The following CTBP2 variants were observed in gnomAD, a reference collection of about 807,000 sequenced individuals.
The protein encoded by CTBP2 is C-terminal binding protein 2, also known as C-terminal-binding protein 2.
Under a neutral mutation model 80.3 loss-of-function variants are expected in CTBP2, and 30 were observed. That is an observed-to-expected ratio of 0.37 (90% confidence interval 0.28 to 0.51). The LOEUF (loss-of-function observed/expected upper bound fraction) is 0.51, where lower values mean the gene tolerates loss of function less well. Among genes scored for constraint, CTBP2 ranks in the 20% least tolerant of loss-of-function variants. The probability of loss-of-function intolerance (pLI) is 0.93; values close to 1 mark genes in which losing one functional copy is unlikely to be tolerated. For missense variants in CTBP2, 1,212 were observed against 1,375.3 expected, an observed-to-expected ratio of 0.88 and a Z score of 1.88; for synonymous variants, 594 against 587.4, an observed-to-expected ratio of 1.01 and a Z score of -0.16.
chr10:125,031,960 G>A (rs1958278757), upstream of CTBP2, among the ~76,000 whole-genome samples: 1 of 152,074 alleles, frequency 6.6e-6, no homozygotes, highest in Admixed American at 6.5e-5. Flanking sequence ...ACAAAGGCCT[G>A]CACATTGCTT....
intron 4 of CTBP2, chr10:124,996,880 A>C (rs185309996): frequency 3.9e-5 from 6 of 152,380 alleles, no homozygotes; most frequent in Admixed American, 2.6e-4. Flanking sequence ...TCCTTTCAGA[A>C]GATCCCCAGC....
intron 2 of CTBP2, among the ~76,000 whole-genome samples, chr10:125,077,373 A>C (rs1846425603): frequency 6.6e-6 from 1 of 152,136 alleles, no homozygotes; most frequent in Non-Finnish European, 1.5e-5. Flanking sequence ...TTGGTTTCTG[A>C]CATCAGCAGG....
At position 125,116,381 on chromosome 10, in the gene CTBP2, G is replaced by A. The variant is rs539162758; in HGVS notation, c.-205-5288C>T. Among the ~76,000 whole-genome samples, 10 of 152,236 alleles carry A rather than the reference G, an allele frequency of 6.6e-5. No individual in the cohort carries two copies. The East Asian group carries it at 1.5e-3, about 24-fold the overall frequency. ...ACACTCCCTCGGCACCCATGCTGAC[G>A]GCCTTCTCAAAATGGGCCCGTCACA... On this transcript the variant is annotated intron_variant, in intron 1 of 10. Transcript: ENST00000337195.
intron 2 of CTBP2, among the ~76,000 whole-genome samples, 196 bp downstream of exon 2, chr10:125,110,794 T>C (rs1349886899): frequency 1.3e-5 from 2 of 152,224 alleles, no homozygotes; most frequent in East Asian, 1.9e-4. Flanking sequence ...GTTAATTACA[T>C]GTATTTTGCT....
intron 2 of CTBP2, among the ~76,000 whole-genome samples, chr10:125,101,445 G>A (rs1287123406): frequency 6.6e-6 from 1 of 152,240 alleles, no homozygotes; most frequent in African/African-American, 2.4e-5. Flanking sequence ...CAGCAGCATG[G>A]TGCCAGCACC....
At chr10:125,161,989 C>T (rs1302848795), upstream of CTBP2, among the ~76,000 whole-genome samples, 7 of 152,340 alleles carry the variant, frequency 4.6e-5, no homozygotes, top group Non-Finnish European at 4.4e-5. Flanking sequence ...TGACCCGCGA[C>T]GTCCGAGCGC....
Position 124,986,680 on chromosome 10 carries a change from A to G in CTBP2, c.*2838T>C, listed in dbSNP as rs1361795439. 2.0e-5 allele frequency: 3 copies of G among 152,318 alleles called. No individual in the cohort carries two copies. The highest frequency in any genetic ancestry group is 1.9e-4 in the East Asian group (1 of 5,192). The allele number at this position is 152,318 out of a possible 1,614,324, so 9.4% of individuals were successfully genotyped here. On this transcript the variant is annotated 3_prime_UTR_variant, in exon 9 of 9. Transcript: ENST00000309035. ...TGGCTGTTTGCTTTCATTTTGGCCAATAAGTAATCAAGTTTGTAGAAAATG... is the reference window on the plus strand; with the variant it reads ...TGGCTGTTTGCTTTCATTTTGGCCAGTAAGTAATCAAGTTTGTAGAAAATG...
At chr10:125,021,005 C>T (rs751272200) in intron 1 of CTBP2, among the ~76,000 whole-genome samples, 23 of 152,190 alleles carry the variant, frequency 1.5e-4, no homozygotes, top group Non-Finnish European at 2.5e-4. Context: ...GCAGCTTGGC[C>T]GCTGTCTAGT....
At chr10:124,997,043 G>C (rs900784610) in intron 4 of CTBP2, 8 of 152,516 alleles carry the variant, frequency 5.2e-5, no homozygotes, top group African/African-American at 1.9e-4. Context: ...CGGGGCTTGT[G>C]GGGAGAGGAG....
chr10:125,002,614 C>T (rs372930071), intron 3 of CTBP2, among the ~76,000 whole-genome samples: 3 of 152,276 alleles, frequency 2.0e-5, no homozygotes, highest in Admixed American at 1.3e-4. Flanking sequence ...AGGGGACGCA[C>T]CCAGCAGGGG....
chr10:125,055,202 C>T (rs2135259766), intron 2 of CTBP2, among the ~76,000 whole-genome samples: 1 of 152,282 alleles, frequency 6.6e-6, no homozygotes, highest in Non-Finnish European at 1.5e-5. Context: ...TAAGTCTGAG[C>T]TCTCAGAGAA....
chr10:125,084,883 C>T (rs1847747646), intron 2 of CTBP2, among the ~76,000 whole-genome samples: 2 of 152,324 alleles, frequency 1.3e-5, no homozygotes, highest in East Asian at 3.9e-4. Flanking sequence ...CCTGTTACTG[C>T]CCAGGCTTGA....
chr10:125,072,523 A>C (rs564150304), intron 2 of CTBP2, among the ~76,000 whole-genome samples: 13 of 151,344 alleles, frequency 8.6e-5, no homozygotes, highest in African/African-American at 3.1e-4. Context: ...GACTGAGGCA[A>C]GAGAATTGCT....
intron 4 of CTBP2, among the ~76,000 whole-genome samples, chr10:124,995,460 A>AT (rs971015447): frequency 1.4e-4 from 22 of 152,208 alleles, no homozygotes; most frequent in African/African-American, 5.3e-4. Flanking sequence ...GTTAGTGTTG[A>AT]TGCTCGACTG....
chr10:125,154,225 C>G (rs1860517473), intron 1 of CTBP2, among the ~76,000 whole-genome samples: 1 of 152,112 alleles, frequency 6.6e-6, no homozygotes, highest in Non-Finnish European at 1.5e-5. Flanking sequence ...TTTAGAACCC[C>G]ACGGATGAAA....
intron 2 of CTBP2, among the ~76,000 whole-genome samples, chr10:125,076,816 TTC>T (rs1218287473): frequency 6.6e-6 from 1 of 152,216 alleles, no homozygotes; most frequent in Non-Finnish European, 1.5e-5. Flanking sequence ...GTCTACGTAT[TTC>T]CCTATTTCAT....
At chr10:125,118,810 G>T (rs982642684) in intron 1 of CTBP2, among the ~76,000 whole-genome samples, 1 of 152,220 alleles carries the variant, frequency 6.6e-6, no homozygotes, top group Non-Finnish European at 1.5e-5. Flanking sequence ...GCGCAGCTCC[G>T]AAAGACAAGT....
At chr10:125,003,316 C>A in intron 2 of CTBP2, 22 bp downstream of exon 4, 1 of 1,604,178 alleles carries the variant, frequency 6.2e-7, no homozygotes, top group Non-Finnish European at 8.5e-7. Flanking sequence ...GTGCAGGCCC[C>A]GGCCGGGCAG....
At chr10:125,040,081 A>G (rs1959223045) in intron 2 of CTBP2, among the ~76,000 whole-genome samples, 3 of 152,118 alleles carry the variant, frequency 2.0e-5, no homozygotes, top group Admixed American at 1.3e-4. Context: ...TGAGGTCCAG[A>G]TCATTAACAG....
Sources: allele counts gnomAD v4.1 joint callset (sites outside exome capture counted in the v4.1 genomes callset), GRCh38; gene constraint gnomAD v4.1.1; transcripts MANE v1.5; gene names NCBI Gene and HGNC (gene_info 2026-07-23, HGNC 2026-07-21).